Variants in ZNF251 observed in about 807,000 individuals in gnomAD.
ZNF251 encodes the protein zinc finger protein 251.
ZNF251 carries 14 observed loss-of-function variants against 13.5 expected under a neutral mutation model. That is an observed-to-expected ratio of 1.04 (90% CI 0.69 to 1.63). The LOEUF (loss-of-function observed/expected upper bound fraction) is 1.63, where lower values mean the gene tolerates loss of function less well. Ranked by LOEUF, ZNF251 falls within the 40% of genes most tolerant of loss-of-function variation. ZNF251 has a pLI of 0.00. For missense variants in ZNF251, 764 were observed against 834.9 expected, an observed-to-expected ratio of 0.92 and a Z score of 1.05; for synonymous variants, 287 against 295.2, an observed-to-expected ratio of 0.97 and a Z score of 0.28.
chr8:144,742,926 A>G (rs1824234469), intron 4 of ZNF251, among the ~76,000 whole-genome samples: 1 of 152,214 alleles, frequency 6.6e-6, no homozygotes, highest in Non-Finnish European at 1.5e-5. Context: ...AAAAATCCAC[A>G]TATAAGTGGA....
intron 4 of ZNF251, among the ~76,000 whole-genome samples, chr8:144,748,439 A>G (rs1399777353): frequency 2.0e-4 from 30 of 152,194 alleles, no homozygotes; most frequent in Admixed American, 2.0e-3. Context: ...TTGTGTCTAA[A>G]GTAGTAAGAT....
chr8:144,721,302 T>C lies in ZNF251; in HGVS notation c.*342A>G, dbSNP rs1238973539. On this transcript the variant is annotated 3_prime_UTR_variant, in exon 5 of 5. Transcript: ENST00000292562. ...TCTCAGCCACAAGCCTGGGCCTGGATAGGAAACAAAGGATAAGACTGGAAG... is the reference window on the plus strand; with the variant it reads ...TCTCAGCCACAAGCCTGGGCCTGGACAGGAAACAAAGGATAAGACTGGAAG... 1 of 346,834 alleles carries C rather than the reference T, an allele frequency of 2.9e-6. No individual in the cohort carries two copies. The highest frequency in any genetic ancestry group is 2.1e-5 in the African/African-American group (1 of 47,646). The allele number at this position is 346,834 out of a possible 1,614,324, so 21.5% of individuals were successfully genotyped here.
intron 4 of ZNF251, among the ~76,000 whole-genome samples, chr8:144,725,835 T>A (rs1473990228): frequency 6.6e-6 from 1 of 152,138 alleles, no homozygotes; most frequent in Non-Finnish European, 1.5e-5. Context: ...AAACAAAATT[T>A]TCAGAAGCCA....
intron 4 of ZNF251, among the ~76,000 whole-genome samples, chr8:144,746,066 ATG>A (rs1187278634): frequency 6.6e-6 from 1 of 152,218 alleles, no homozygotes; most frequent in African/African-American, 2.4e-5. Context: ...AATGTAAATA[ATG>A]TGTTTTTAAC....
intron 4 of ZNF251, among the ~76,000 whole-genome samples, chr8:144,732,822 A>G (rs913125537): frequency 2.0e-5 from 3 of 151,768 alleles, no homozygotes; most frequent in Non-Finnish European, 4.4e-5. Flanking sequence ...AAAAAAAAAA[A>G]AAAAAAAATA....
At chr8:144,747,213 T>C (rs1824470426) in intron 4 of ZNF251, among the ~76,000 whole-genome samples, 1 of 152,218 alleles carries the variant, frequency 6.6e-6, no homozygotes, top group Non-Finnish European at 1.5e-5. Flanking sequence ...GATATCTTCT[T>C]TGACTCGTGT....
Position 144,722,067 on chromosome 8 carries a change from G to A in ZNF251, c.1593C>T (p.Leu531=). Residue 531 remains leucine, a synonymous_variant, in exon 5 of 5, where the codon CTC becomes CTT. Transcript: ENST00000292562. The surrounding 1 kb of genome is among the most constrained non-coding windows in gnomAD (Gnocchi z 4.8). ...CAGTGGGAATCTGTCCATCTGCTGTGAGGCTGGAGCCATGAACAAAGGCTG... is the reference window on the plus strand; with the variant it reads ...CAGTGGGAATCTGTCCATCTGCTGTAAGGCTGGAGCCATGAACAAAGGCTG... ...HGPAFVHGSS[L]TADGQIPTGE... 1 of 1,613,592 alleles carries A rather than the reference G, an allele frequency of 6.2e-7. No individual in the cohort carries two copies. The highest frequency in any genetic ancestry group is 1.7e-5 in the Admixed American group (1 of 59,980).
At chr8:144,753,274 G>GA (rs11336657) in intron 4 of ZNF251, among the ~76,000 whole-genome samples, 9,346 of 41,894 alleles carry the variant, frequency 0.22, 1,891 homozygotes, top group Middle Eastern at 0.32. Flanking sequence ...ATTCTGTCTC[G>GA]AAAAAAAAAA....
At position 144,722,220 on chromosome 8, in the gene ZNF251, C is replaced by T. The variant is rs1823389925; in HGVS notation, c.1440G>A (p.Gln480=). The change falls in exon 5 of 5, where the codon CAG becomes CAA. Residue 480 remains glutamine, a synonymous_variant. Coordinates refer to ENST00000292562, the MANE Select transcript of ZNF251 (RefSeq NM_138367.2). The surrounding 1 kb of genome is among the most constrained non-coding windows in gnomAD (Gnocchi z 4.8). The part of the protein sequence containing the change: ...FSQSSQLTLH[Q]RVHTGEKPYD... ...AGGGCTTCTCTCCAGTGTGAACTCG[C>T]TGATGTAGGGTGAGCTGGGAGCTCT... 1 of 1,613,890 alleles carries T rather than the reference C, an allele frequency of 6.2e-7. No individual in the cohort carries two copies.
chr8:144,730,192 C>G (rs1309671856), intron 4 of ZNF251: 2 of 876,812 alleles, frequency 2.3e-6, no homozygotes, highest in South Asian at 5.2e-5. Context: ...AAAGCCCCTC[C>G]AGGCGCGGGG....
In ZNF251 at chr8:144,754,795, C is replaced by A; in HGVS notation, c.-67G>T. 1 of 1,581,478 alleles carries A rather than the reference C, an allele frequency of 6.3e-7. No homozygotes were observed. Among genetic ancestry groups the A allele is most frequent in the East Asian group, 2.3e-5 (1 of 43,530 alleles). On this transcript the variant is annotated 5_prime_UTR_variant, in exon 2 of 5. Transcript: ENST00000292562. ...AGACTGCCCTGGCCTGAAGTCTCCC[C>A]GAACTTACCTTCAGTGGGGAGAACT...
At chr8:144,745,548 G>A (rs542508768) in intron 4 of ZNF251, among the ~76,000 whole-genome samples, 1 of 151,924 alleles carries the variant, frequency 6.6e-6, no homozygotes, top group Non-Finnish European at 1.5e-5. Context: ...AACCTGCTGA[G>A]TTTTTTTCGT....
At chr8:144,737,795 A>G (rs1586693280) in intron 4 of ZNF251, among the ~76,000 whole-genome samples, 2 of 131,480 alleles carry the variant, frequency 1.5e-5, no homozygotes, top group African/African-American at 5.8e-5. Flanking sequence ...TCGAGATCGC[A>G]CCACTGCACT....
In ZNF251 at chr8:144,721,885, T is replaced by C; in HGVS notation, c.1775A>G (p.Lys592Arg). The C allele has an allele frequency of 6.7e-7, 1 of 1,503,552 alleles. No individual in the cohort carries two copies. The highest frequency in any genetic ancestry group is 8.9e-7 in the Non-Finnish European group (1 of 1,125,736). 93.1% of individuals were successfully genotyped at this position (1,503,552 alleles called of 1,614,324 possible). ...TEDQIMHAGE[K>R]PYKCQECGNA... ...TCCACATTCTTGACATTTATAGGGC[T>C]TTTCCCCAGCATGCATTATCTGATC... Residue 592 changes from lysine (K) to arginine (R), a missense_variant, in exon 5 of 5, where the codon AAG (lysine) becomes AGG (arginine). By Grantham distance (26) the Lys-to-Arg change is conservative. Transcript: ENST00000292562.
At chr8:144,732,793 C>A (rs972594691) in intron 4 of ZNF251, among the ~76,000 whole-genome samples, 1 of 126,220 alleles carries the variant, frequency 7.9e-6, no homozygotes, top group Non-Finnish European at 1.6e-5. Context: ...GCCTGGGCGA[C>A]AGAGCGAGAC....
At chr8:144,754,378 A>G in intron 2 of ZNF251, 57 bp from the exon 3 acceptor site, 1 of 1,515,720 alleles carries the variant, frequency 6.6e-7, no homozygotes, top group Non-Finnish European at 8.9e-7. Context: ...AGCCTGCACT[A>G]AAAGGGCCCT....
At chr8:144,729,056 C>A (rs1823608564) in intron 4 of ZNF251, among the ~76,000 whole-genome samples, 1 of 147,622 alleles carries the variant, frequency 6.8e-6, no homozygotes, top group Non-Finnish European at 1.5e-5. Flanking sequence ...CCATTGCACT[C>A]CAGCCTGGGC....
At position 144,754,337 on chromosome 8, in the gene ZNF251, GC is replaced by G; in HGVS notation, c.34-17del. 1 of 1,590,076 alleles carries G rather than the reference GC, an allele frequency of 6.3e-7. No homozygotes were observed. The highest frequency in any genetic ancestry group is 8.6e-7 in the Non-Finnish European group (1 of 1,168,362). On this transcript the variant is annotated splice_polypyrimidine_tract_variant and intron_variant, in intron 2 of 4. Coordinates refer to ENST00000292562, the MANE Select transcript of ZNF251 (RefSeq NM_138367.2). ...GCGGCATCTCCTGCAACAAAACATC[GC>G]CGCTGCCCAGGCCATGCCCACGGGG...
At chr8:144,748,140 C>T (rs1423460260) in intron 4 of ZNF251, among the ~76,000 whole-genome samples, 1 of 151,968 alleles carries the variant, frequency 6.6e-6, no homozygotes, top group Non-Finnish European at 1.5e-5. Flanking sequence ...ATGGTGCAAT[C>T]TTGGCTCACT....
Sources: gnomAD v4.1 joint callset for allele counts (sites outside exome capture counted in the v4.1 genomes callset) on GRCh38, gnomAD v4.1.1 for gene constraint, Gnocchi (gnomAD v3.1) non-coding constraint, MANE v1.5 for transcripts, NCBI Gene and HGNC (gene_info 2026-07-23, HGNC 2026-07-21) for gene names.